Variants in TRAPPC9 observed in about 807,000 individuals in gnomAD.
The protein encoded by TRAPPC9 is IKK2 binding protein.
In TRAPPC9, 83 loss-of-function variants were observed where a neutral mutation model predicts 124.0. That is an observed-to-expected ratio of 0.67 (90% CI 0.56 to 0.80). TRAPPC9 has a LOEUF of 0.80. Among genes scored for constraint, TRAPPC9 ranks in the 30% least tolerant of loss-of-function variants. The pLI is 0.00. For missense variants in TRAPPC9, 1,302 were observed against 1,508.3 expected, an observed-to-expected ratio of 0.86 and a Z score of 2.27; for synonymous variants, 638 against 617.5, an observed-to-expected ratio of 1.03 and a Z score of -0.49.
chr8:140,214,939 T>C (rs555325710), intron 17 of TRAPPC9, among the ~76,000 whole-genome samples: 1 of 152,304 alleles, frequency 6.6e-6, no homozygotes, highest in South Asian at 2.1e-4. Flanking sequence ...GTTTTATAGG[T>C]TTAGCACGAT....
At chr8:140,357,996 A>T (rs2067806523) in intron 9 of TRAPPC9, among the ~76,000 whole-genome samples, 1 of 152,216 alleles carries the variant, frequency 6.6e-6, no homozygotes, top group Non-Finnish European at 1.5e-5. Flanking sequence ...ACTCCACACG[A>T]GGATGCCAAC....
intron 17 of TRAPPC9, among the ~76,000 whole-genome samples, chr8:140,046,878 C>T (rs1182591365): frequency 6.6e-6 from 1 of 152,214 alleles, no homozygotes; most frequent in Non-Finnish European, 1.5e-5. Context: ...TTATTTCACT[C>T]TCTGGAACTC....
intron 16 of TRAPPC9, among the ~76,000 whole-genome samples, chr8:140,232,652 G>A (rs921688019): frequency 4.6e-5 from 7 of 152,134 alleles, no homozygotes; most frequent in South Asian, 2.1e-4. Flanking sequence ...TCAACAGCAC[G>A]GAGGTTCCAA....
chr8:140,214,980 G>A (rs2063155705), intron 17 of TRAPPC9, among the ~76,000 whole-genome samples: 1 of 152,066 alleles, frequency 6.6e-6, no homozygotes, highest in Admixed American at 6.6e-5. Context: ...CCTGCTTCGG[G>A]GAGAAGGGCT....
At chr8:139,860,455 C>T (rs1002639240) in intron 21 of TRAPPC9, among the ~76,000 whole-genome samples, 15 of 152,196 alleles carry the variant, frequency 9.9e-5, no homozygotes, top group East Asian at 1.9e-4. Flanking sequence ...TGGCTGTTTC[C>T]GGGATAGTCA....
Position 140,016,854 on chromosome 8 carries a change from G to A in TRAPPC9, c.2699+7083C>T, listed in dbSNP as rs567692568. On this transcript the variant is annotated intron_variant, in intron 18 of 22. Transcript: ENST00000438773. The stretch of plus-strand genomic sequence containing the variant: ...TGGGGAGGAATATGTTTTAATTCAT[G>A]AGGAACTGCCTGACTGATTTTCTAA... Among the ~76,000 whole-genome samples the A allele has an allele frequency of 2.0e-5, 3 of 152,288 alleles. No individual in the cohort carries two copies. In the South Asian group the frequency reaches 6.2e-4, roughly 32 times the overall value.
chr8:140,035,766 C>T (rs988535463), intron 17 of TRAPPC9, among the ~76,000 whole-genome samples: 58 of 152,342 alleles, frequency 3.8e-4, no homozygotes, highest in Non-Finnish European at 7.9e-4. Flanking sequence ...ACTGTGACTT[C>T]ACCGGGAATC....
At chr8:140,191,165 C>G (rs989737093) in intron 17 of TRAPPC9, among the ~76,000 whole-genome samples, 4 of 152,176 alleles carry the variant, frequency 2.6e-5, no homozygotes, top group African/African-American at 9.6e-5. Flanking sequence ...AAAGCTAACT[C>G]TTATTGAGGG....
At chr8:140,369,432 G>T (rs959650915) in intron 8 of TRAPPC9, among the ~76,000 whole-genome samples, 2 of 152,312 alleles carry the variant, frequency 1.3e-5, no homozygotes, top group African/African-American at 4.8e-5. Context: ...ATGGGGGCAG[G>T]AGTATAACGA....
chr8:140,398,921 C>T (rs940241311), intron 6 of TRAPPC9, among the ~76,000 whole-genome samples: 1 of 152,222 alleles, frequency 6.6e-6, no homozygotes, highest in Non-Finnish European at 1.5e-5. Flanking sequence ...AAAGTGGTTT[C>T]GTGGGCCGGG....
At chr8:140,429,238 C>A (rs535122162) in intron 4 of TRAPPC9, among the ~76,000 whole-genome samples, 1 of 152,032 alleles carries the variant, frequency 6.6e-6, no homozygotes, top group East Asian at 1.9e-4. Context: ...CGCACCACCA[C>A]GTCCAGCTAA....
At position 140,107,529 on chromosome 8, in the gene TRAPPC9, G is replaced by A. The variant is rs537223945; in HGVS notation, c.2557-83450C>T. 6.8e-4 allele frequency among the ~76,000 whole-genome samples: 103 copies of A among 152,338 alleles called. 1 individual carries two copies. The highest frequency in any genetic ancestry group is 4.6e-4 in the Non-Finnish European group (31 of 68,030). ...TATGAAAGGGGCATGTAGCCAAGCC[G>A]TCCAGAATTGGAGGCAAATGGTACC... On this transcript the variant is annotated intron_variant, in intron 17 of 22. Coordinates refer to ENST00000438773, the MANE Select transcript of TRAPPC9 (RefSeq NM_001160372.4).
chr8:139,952,230 T>C (rs996940005), intron 19 of TRAPPC9, among the ~76,000 whole-genome samples: 5 of 152,206 alleles, frequency 3.3e-5, no homozygotes, highest in Non-Finnish European at 7.3e-5. Flanking sequence ...TGCCAGACAC[T>C]GCGTAAGGGG....
chr8:140,202,805 C>G (rs1052280350), intron 17 of TRAPPC9, among the ~76,000 whole-genome samples: 2 of 152,190 alleles, frequency 1.3e-5, no homozygotes, highest in Non-Finnish European at 2.9e-5. Flanking sequence ...GTAATGCAAC[C>G]TGAAGTACCA....
chr8:139,897,284 G>A (rs560217850), intron 20 of TRAPPC9, among the ~76,000 whole-genome samples: 7 of 152,360 alleles, frequency 4.6e-5, no homozygotes, highest in South Asian at 4.1e-4. Context: ...GCAGTGAGCC[G>A]TGAGGTCCAG....
At chr8:139,954,458 C>T (rs1035591866) in intron 19 of TRAPPC9, among the ~76,000 whole-genome samples, 1 of 152,076 alleles carries the variant, frequency 6.6e-6, no homozygotes, top group Non-Finnish European at 1.5e-5. Context: ...GATTAGTGTC[C>T]TTATAAGAAG....
chr8:140,254,407 C>T (rs1039726705), intron 15 of TRAPPC9, among the ~76,000 whole-genome samples: 1 of 152,244 alleles, frequency 6.6e-6, no homozygotes, highest in Non-Finnish European at 1.5e-5. Flanking sequence ...TCTCTCTGTT[C>T]CTGAGTGCAG....
At chr8:140,443,591 A>G (rs549556428) in intron 2 of TRAPPC9, among the ~76,000 whole-genome samples, 15 of 151,858 alleles carry the variant, frequency 9.9e-5, no homozygotes, top group Non-Finnish European at 1.9e-4. Flanking sequence ...CTAAAGCACC[A>G]AAGCAGACAA....
intron 18 of TRAPPC9, among the ~76,000 whole-genome samples, chr8:140,021,696 G>A (rs1447442798): frequency 3.9e-5 from 6 of 152,082 alleles, no homozygotes; most frequent in Admixed American, 6.5e-5. Context: ...TGGAAGTGTC[G>A]GCTTAAGGAA....
Sources: allele counts gnomAD v4.1 joint callset (sites outside exome capture counted in the v4.1 genomes callset), GRCh38; gene constraint gnomAD v4.1.1; transcripts MANE v1.5; gene names NCBI Gene and HGNC (gene_info 2026-07-23, HGNC 2026-07-21).